Variants in ANKS1B observed in about 807,000 individuals in gnomAD.
ANKS1B encodes ankyrin repeat and sterile alpha motif domain containing 1B.
Under a neutral mutation model 148.3 loss-of-function variants are expected in ANKS1B, and 36 were observed. The observed-to-expected ratio is 0.24, with a 90% CI of 0.19 to 0.32. ANKS1B has a LOEUF of 0.32. Among genes scored for constraint, ANKS1B ranks in the 10% least tolerant of loss-of-function variants. ANKS1B has a pLI of 1.00. For missense variants in ANKS1B, 1,157 were observed against 1,542.6 expected, an observed-to-expected ratio of 0.75 and a Z score of 4.19; for synonymous variants, 542 against 560.8, an observed-to-expected ratio of 0.97 and a Z score of 0.47.
intron 12 of ANKS1B, among the ~76,000 whole-genome samples, chr12:99,311,645 TTAA>T (rs543731994): frequency 1.2e-4 from 18 of 152,132 alleles, no homozygotes; most frequent in Non-Finnish European, 2.5e-4. Context: ...GGAAGCTGGA[TTAA>T]TAATCTACAT....
chr12:99,943,610 A>G (rs771345198), intron 1 of ANKS1B, among the ~76,000 whole-genome samples: 1 of 152,132 alleles, frequency 6.6e-6, no homozygotes, highest in Non-Finnish European at 1.5e-5. Context: ...ACTCCCCTTT[A>G]TAAAACCAGA....
chr12:99,406,113 T>C (rs2094526279), intron 11 of ANKS1B, among the ~76,000 whole-genome samples: 1 of 145,210 alleles, frequency 6.9e-6, no homozygotes, highest in South Asian at 2.1e-4. Context: ...GGACAGATCA[T>C]TCAGACAGAA....
At chr12:98,740,149 G>T (rs2097790942), downstream of ANKS1B, among the ~76,000 whole-genome samples, 1 of 152,148 alleles carries the variant, frequency 6.6e-6, no homozygotes, top group Admixed American at 6.5e-5. Flanking sequence ...GTGTGGCTTT[G>T]GCTGTCAAGT....
At chr12:99,015,694 G>A (rs1002260820) in intron 17 of ANKS1B, among the ~76,000 whole-genome samples, 3 of 152,024 alleles carry the variant, frequency 2.0e-5, no homozygotes, top group Admixed American at 1.3e-4. Context: ...ATGAAACACC[G>A]TCTCTATTAA....
At chr12:99,412,760 A>G (rs1020837070) in intron 11 of ANKS1B, among the ~76,000 whole-genome samples, 2 of 152,232 alleles carry the variant, frequency 1.3e-5, no homozygotes, top group African/African-American at 4.8e-5. Flanking sequence ...ATCAGTTAGA[A>G]TTCTCATATT....
chr12:99,603,339 C>G (rs1268380618), intron 9 of ANKS1B, among the ~76,000 whole-genome samples: 2 of 152,104 alleles, frequency 1.3e-5, no homozygotes, highest in Admixed American at 6.6e-5. Flanking sequence ...GTGAATTCCT[C>G]TCTGCTCAAG....
chr12:99,807,141 T>C (rs904171603), intron 3 of ANKS1B, among the ~76,000 whole-genome samples: 2 of 152,248 alleles, frequency 1.3e-5, no homozygotes, highest in Admixed American at 6.5e-5. Flanking sequence ...AAAAGGTTTA[T>C]AGAAAGGTTT....
chr12:99,768,353 G>A (rs1319761673), intron 8 of ANKS1B, among the ~76,000 whole-genome samples: 1 of 152,092 alleles, frequency 6.6e-6, no homozygotes, highest in Non-Finnish European at 1.5e-5. Context: ...ACTGTGGTTT[G>A]ACTGCAGTTT....
intron 12 of ANKS1B, among the ~76,000 whole-genome samples, chr12:99,288,167 A>C (rs1000347067): frequency 6.6e-6 from 1 of 152,174 alleles, no homozygotes; most frequent in Non-Finnish European, 1.5e-5. Flanking sequence ...TAAGAGTAGC[A>C]AGAGAAAAGA....
rs191600218 is a variant in ANKS1B at position 99,718,466 on chromosome 12, C to T, written c.1128+54456G>A. ...ACCATCTCACTAAAACCTAATCACT[C>T]TTACCCCGCTCAATGCCGATATCCC... On this transcript the variant is annotated intron_variant, in intron 8 of 26. Coordinates refer to ENST00000683438, the MANE Select transcript of ANKS1B (RefSeq NM_001352186.2). Among the ~76,000 whole-genome samples, 238 of 152,292 alleles carry T rather than the reference C, an allele frequency of 1.6e-3. 1 individual carries two copies. The highest frequency in any genetic ancestry group is 5.4e-3 in the African/African-American group (225 of 41,558).
intron 9 of ANKS1B, among the ~76,000 whole-genome samples, chr12:99,619,491 T>G (rs955203087): frequency 4.6e-5 from 7 of 151,904 alleles, no homozygotes; most frequent in Non-Finnish European, 1.0e-4. Flanking sequence ...TCTCCAGGCA[T>G]TCACCTGGTT....
Position 98,965,288 on chromosome 12 carries a change from T to C in ANKS1B, c.2778+87869A>G, listed in dbSNP as rs150237455. Among the ~76,000 whole-genome samples, 3 of 152,334 alleles carry C rather than the reference T, an allele frequency of 2.0e-5. No individual in the cohort carries two copies. The East Asian group carries it at 5.8e-4, about 29-fold the overall frequency. On this transcript the variant is annotated intron_variant, in intron 17 of 26. Coordinates refer to ENST00000683438, the MANE Select transcript of ANKS1B (RefSeq NM_001352186.2). Reference sequence around the variant, plus strand: ...CTCTACCTCATAACCTCAGGAAATATGTTTTACTGTCTGAACTTATCTCTT... The same window carrying C: ...CTCTACCTCATAACCTCAGGAAATACGTTTTACTGTCTGAACTTATCTCTT...
chr12:99,921,805 G>A (rs1163676380), intron 1 of ANKS1B, among the ~76,000 whole-genome samples: 1 of 151,968 alleles, frequency 6.6e-6, no homozygotes, highest in Non-Finnish European at 1.5e-5. Flanking sequence ...TTGCTTCTAT[G>A]AAAATCTCCT....
chr12:98,894,280 A>G (rs2099758843), intron 17 of ANKS1B, among the ~76,000 whole-genome samples: 1 of 152,058 alleles, frequency 6.6e-6, no homozygotes, highest in South Asian at 2.1e-4. Flanking sequence ...CCTTTGGAAA[A>G]TATACACTGT....
chr12:99,667,977 A>G (rs1353785843), intron 8 of ANKS1B, among the ~76,000 whole-genome samples: 1 of 152,132 alleles, frequency 6.6e-6, no homozygotes, highest in Non-Finnish European at 1.5e-5. Context: ...TACTGTGTTT[A>G]TGAGTGATAT....
At chr12:99,178,219 AG>A (rs1162968878) in intron 14 of ANKS1B, among the ~76,000 whole-genome samples, 1 of 152,242 alleles carries the variant, frequency 6.6e-6, no homozygotes, top group Non-Finnish European at 1.5e-5. Context: ...TCTGTGGCAT[AG>A]ACAAACATTA....
chr12:98,869,639 A>G (rs1360570954), intron 17 of ANKS1B, among the ~76,000 whole-genome samples: 1 of 151,140 alleles, frequency 6.6e-6, no homozygotes, highest in Non-Finnish European at 1.5e-5. Context: ...TCTCATTTTG[A>G]GCTACAAAGG....
chr12:99,139,147 C>T (rs1163951410), intron 15 of ANKS1B, among the ~76,000 whole-genome samples: 1 of 151,476 alleles, frequency 6.6e-6, no homozygotes, highest in Non-Finnish European at 1.5e-5. Flanking sequence ...GACTATAGGC[C>T]ACCATGCCCA....
At chr12:99,348,693 A>C (rs1394134052) in intron 12 of ANKS1B, among the ~76,000 whole-genome samples, 1 of 151,944 alleles carries the variant, frequency 6.6e-6, no homozygotes, top group Admixed American at 6.6e-5. Context: ...TATTAAGCAA[A>C]GCTATCCTTT....
Sources: allele counts gnomAD v4.1 joint callset (sites outside exome capture counted in the v4.1 genomes callset), GRCh38; gene constraint gnomAD v4.1.1; transcripts MANE v1.5; gene names NCBI Gene and HGNC (gene_info 2026-07-23, HGNC 2026-07-21).